Variants in FAM20C observed in about 807,000 individuals in gnomAD.
The protein encoded by FAM20C is extracellular serine/threonine protein kinase FAM20C.
A neutral mutation model predicts 51.5 loss-of-function variants in FAM20C; 40 were observed. The ratio of observed to expected loss-of-function variants is 0.78; its 90% CI spans 0.60 to 1.01. The LOEUF (loss-of-function observed/expected upper bound fraction) is 1.01. Among genes scored for constraint, FAM20C ranks in the 50% least tolerant of loss-of-function variants. The pLI, the probability that FAM20C is intolerant of heterozygous loss-of-function variation, is 0.00. For synonymous variants in FAM20C, 406 were observed against 380.6 expected (o/e 1.07, Z -0.78); for missense variants, 861 against 844.7 (o/e 1.02, Z -0.24).
In FAM20C at chr7:260,230, C is replaced by G. The variant is rs1037955560; in HGVS notation, c.*250C>G. On this transcript the variant is annotated 3_prime_UTR_variant, in exon 10 of 10. Coordinates refer to ENST00000313766, the MANE Select transcript of FAM20C (RefSeq NM_020223.4). ...AGAGGCGGCCGGCGCCGGAGGCATT[C>G]CATCCTTTCTGTAGGGAAAGGAGCC... 3.7e-5 allele frequency: 17 copies of G among 454,680 alleles called. No homozygotes were observed. The Admixed American group carries it at 5.7e-4, about 15-fold the overall frequency. The allele number at this position is 454,680 out of a possible 1,614,324, so 28.2% of individuals were successfully genotyped here.
Position 227,154 on chromosome 7 carries a change from G to A in FAM20C, c.863+18178G>A, listed in dbSNP as rs528653356. On this transcript the variant is annotated intron_variant, in intron 3 of 9. Transcript: ENST00000313766. ...TTTTTCCAAAAGCATTCCCCAGAAC[G>A]GCAATATCGAGGGTCTTTTTGTATT... is the stretch of plus-strand genomic sequence containing the variant. Among the ~76,000 whole-genome samples, 44 of 152,180 alleles carry A rather than the reference G, an allele frequency of 2.9e-4. No homozygotes were observed. The South Asian group carries it at 7.3e-3, about 25-fold the overall frequency.
At position 260,083 on chromosome 7, in the gene FAM20C, G is replaced by T; in HGVS notation, c.*103G>T. On this transcript the variant is annotated 3_prime_UTR_variant, in exon 10 of 10. Coordinates refer to ENST00000313766, the MANE Select transcript of FAM20C (RefSeq NM_020223.4). Reference sequence around the variant, plus strand: ...ATTCAGTGAATTCAGAGGCAGGACGGGATCATCCGGAGTCGGGAGCTGCTG... The same window carrying T: ...ATTCAGTGAATTCAGAGGCAGGACGTGATCATCCGGAGTCGGGAGCTGCTG... 7.2e-7 allele frequency: 1 copy of T among 1,387,908 alleles called. No homozygotes were observed. The highest frequency in any genetic ancestry group is 9.4e-7 in the Non-Finnish European group (1 of 1,064,452). The allele number at this position is 1,387,908 out of a possible 1,614,324, so 86.0% of individuals were successfully genotyped here.
In FAM20C at chr7:193,322, G is replaced by C; in HGVS notation, c.123G>C (p.Ser41=). 1.4e-6 allele frequency: 2 copies of C among 1,385,052 alleles called. No homozygotes were observed. The highest frequency in any genetic ancestry group is 1.9e-6 in the Non-Finnish European group (2 of 1,060,712). 85.8% of individuals were successfully genotyped at this position (1,385,052 alleles called of 1,614,324 possible). ...TGGAGCGACGCGGCGCGCGGCCCTC[G>C]GGGGAGCCCGGCTGTTCGTGCGCGC... The part of the protein sequence containing the change: ...PRLERRGARP[S]GEPGCSCAQP... The change falls in exon 1 of 10, where the codon TCG becomes TCC. Residue 41 remains serine (S), a synonymous_variant. Coordinates refer to ENST00000313766, the MANE Select transcript of FAM20C (RefSeq NM_020223.4).
intron 5 of FAM20C, among the ~76,000 whole-genome samples, chr7:250,511 T>C (rs1240111312): frequency 6.6e-6 from 1 of 152,216 alleles, no homozygotes; most frequent in Non-Finnish European, 1.5e-5. Flanking sequence ...CCTCCAGTGA[T>C]GGGGAACGCA....
chr7:195,789 G>C, intron 2 of FAM20C, 57 bp downstream of exon 2: 1 of 1,453,440 alleles, frequency 6.9e-7, no homozygotes. Context: ...TGGCATCAGG[G>C]CTGCTGGGGC....
intron 3 of FAM20C, among the ~76,000 whole-genome samples, chr7:218,235 T>C (rs1364696598): frequency 6.6e-6 from 1 of 152,218 alleles, no homozygotes; most frequent in East Asian, 1.9e-4. Context: ...AGTATTTAGG[T>C]GTTCACCACG....
chr7:219,859 T>TA (rs1787172480), intron 3 of FAM20C, among the ~76,000 whole-genome samples: 1 of 152,224 alleles, frequency 6.6e-6, no homozygotes. Flanking sequence ...GTTCTGCTGA[T>TA]AAAAATTCAT....
chr7:231,412 C>T lies in FAM20C; in HGVS notation c.864-15003C>T, dbSNP rs994575559. ...GGAGGAGGGTCCCGGCGTCGAGGGC[C>T]GCGTGGGAGGAGGGTCCTGGCGTGG... On this transcript the variant is annotated intron_variant, in intron 3 of 9. Coordinates refer to ENST00000313766, the MANE Select transcript of FAM20C (RefSeq NM_020223.4). 1.6e-4 allele frequency among the ~76,000 whole-genome samples: 23 copies of T among 145,776 alleles called. 1 individual carries two copies. Among genetic ancestry groups the T allele is most frequent in the Admixed American group, 4.8e-4 (7 of 14,720 alleles).
chr7:205,243 C>CGG lies in FAM20C; in HGVS notation c.785-3655_785-3654insGG, dbSNP rs1786303015. Among the ~76,000 whole-genome samples the CGG allele has an allele frequency of 7.7e-4, 115 of 150,204 alleles. 3 individuals carry two copies. Among genetic ancestry groups the CGG allele is most frequent in the Non-Finnish European group, 1.2e-3 (77 of 66,880 alleles). Reference sequence around the variant, plus strand: ...ACAGCCTCCCGAGTAGCTGGGACCACAGACACGCACCACCACGACGTCAGC... The same window carrying CGG: ...ACAGCCTCCCGAGTAGCTGGGACCACGGAGACACGCACCACCACGACGTCAGC... On this transcript the variant is annotated intron_variant, in intron 2 of 9. Coordinates refer to ENST00000313766, the MANE Select transcript of FAM20C (RefSeq NM_020223.4).
At chr7:256,472 A>T in intron 6 of FAM20C, 182 bp from the exon 7 acceptor site, 1 of 615,338 alleles carries the variant, frequency 1.6e-6, no homozygotes, top group Non-Finnish European at 2.9e-6. Context: ...GGCAGGGCAG[A>T]GCGGCTCCGT....
chr7:197,737 C>G (rs1785947583), intron 2 of FAM20C, among the ~76,000 whole-genome samples: 1 of 152,234 alleles, frequency 6.6e-6, no homozygotes, highest in Non-Finnish European at 1.5e-5. Flanking sequence ...CGCCACCTCC[C>G]TCACCGACCG....
Position 193,300 on chromosome 7 carries a change from A to T in FAM20C, c.101A>T (p.Glu34Val). The T allele has an allele frequency of 7.1e-6, 10 of 1,411,424 alleles. No homozygotes were observed. The highest frequency in any genetic ancestry group is 9.3e-6 in the Non-Finnish European group (10 of 1,075,776). The allele number at this position is 1,411,424 out of a possible 1,614,324, so 87.4% of individuals were successfully genotyped here. A position where few individuals can be genotyped will look rare whatever the true frequency, so the allele number is the denominator to read the frequency against. The stretch of plus-strand genomic sequence containing the variant: ...GCCCTGGACCTGCTGCCCAGGCTGG[A>T]GCGACGCGGCGCGCGGCCCTCGGGG... Reference protein sequence around the residue: ...HIALDLLPRLERRGARPSGEP... With the variant: ...HIALDLLPRLVRRGARPSGEP... The change falls in exon 1 of 10, where the codon GAG (glutamate) becomes GTG (valine). Residue 34 changes from glutamate to valine, a missense_variant. Glu to Val is a moderately radical substitution (Grantham distance 121). Around this residue, in one of 3 missense-constraint regions of FAM20C, gnomAD observed 561 missense variants for 499.8 expected, o/e 1.12. Coordinates refer to ENST00000313766, the MANE Select transcript of FAM20C (RefSeq NM_020223.4).
At chr7:248,167 T>C in intron 4 of FAM20C, 148 bp from the exon 5 acceptor site, 1 of 527,054 alleles carries the variant, frequency 1.9e-6, no homozygotes, top group Non-Finnish European at 3.4e-6. Context: ...GACCTAGGGC[T>C]GGGTTTATTC....
At chr7:241,492 C>G (rs1033123587) in intron 3 of FAM20C, among the ~76,000 whole-genome samples, 18 of 152,194 alleles carry the variant, frequency 1.2e-4, no homozygotes, top group African/African-American at 4.1e-4. Context: ...AGGGAAAGAT[C>G]GATGGAGCCG....
intron 4 of FAM20C, among the ~76,000 whole-genome samples, chr7:246,971 G>A (rs1788192204): frequency 6.6e-6 from 1 of 152,184 alleles, no homozygotes; most frequent in Non-Finnish European, 1.5e-5. Context: ...AGGCAGATGG[G>A]AGGCACAGAA....
rs551281338 is a variant in FAM20C, at chr7:222,420, A to C, written c.863+13444A>C. Among the ~76,000 whole-genome samples, 10 of 152,220 alleles carry C rather than the reference A, an allele frequency of 6.6e-5. No homozygotes were observed. The South Asian group carries it at 2.1e-3, about 32-fold the overall frequency. On this transcript the variant is annotated intron_variant, in intron 3 of 9. Coordinates refer to ENST00000313766, the MANE Select transcript of FAM20C (RefSeq NM_020223.4). The stretch of plus-strand genomic sequence containing the variant: ...GTGGTCCCCAGACTTGCAGGCCCTC[A>C]GTAAGGGAGTGGATTGCCCTGGCAC...
intron 3 of FAM20C, among the ~76,000 whole-genome samples, chr7:234,117 C>G (rs920044299): frequency 6.6e-6 from 1 of 152,346 alleles, no homozygotes; most frequent in Non-Finnish European, 1.5e-5. Flanking sequence ...GAGGCCGTCC[C>G]GGCAAGTGGA....
chr7:255,618 A>G (rs182466015), intron 5 of FAM20C, among the ~76,000 whole-genome samples: 2 of 152,290 alleles, frequency 1.3e-5, no homozygotes, highest in African/African-American at 2.4e-5. Context: ...TCGAGGGTTC[A>G]GGCCGGGCTC....
intron 3 of FAM20C, among the ~76,000 whole-genome samples, chr7:242,678 T>C (rs916240771): frequency 6.6e-6 from 1 of 152,272 alleles, no homozygotes; most frequent in Non-Finnish European, 1.5e-5. Context: ...AGATTTAAGA[T>C]AAAATCAGAC....
Sources: gnomAD v4.1 joint callset for allele counts (sites outside exome capture counted in the v4.1 genomes callset) on GRCh38, gnomAD v4.1.1 for gene constraint, gnomAD v4.1.1 regional missense constraint, MANE v1.5 for transcripts, NCBI Gene and HGNC (gene_info 2026-07-23, HGNC 2026-07-21) for gene names.